Variants in RFC3 observed in about 807,000 individuals in gnomAD.
The protein encoded by RFC3 is A1 38 kDa subunit.
Under a neutral mutation model 45.1 loss-of-function variants are expected in RFC3, and 41 were observed. The observed-to-expected ratio is 0.91, with a 90% CI of 0.71 to 1.18. The LOEUF (loss-of-function observed/expected upper bound fraction) is 1.18, where lower values mean the gene tolerates loss of function less well. Ranked by LOEUF, RFC3 falls within the 50% of genes most tolerant of loss-of-function variation. The pLI, the probability that RFC3 is intolerant of heterozygous loss-of-function variation, is 0.00. For missense variants in RFC3, 423 were observed against 428.1 expected, an observed-to-expected ratio of 0.99 and a Z score of 0.10; for synonymous variants, 149 against 144.0, an observed-to-expected ratio of 1.03 and a Z score of -0.25.
At chr13:33,944,154 G>A (rs2082941058) in intron 8 of RFC3, among the ~76,000 whole-genome samples, 1 of 152,116 alleles carries the variant, frequency 6.6e-6, no homozygotes, top group Admixed American at 6.5e-5. Flanking sequence ...TGTATTTTGT[G>A]TATTTGTGTC....
downstream of RFC3, among the ~76,000 whole-genome samples, chr13:33,966,854 T>G (rs1392337695): frequency 2.0e-5 from 3 of 152,070 alleles, no homozygotes; most frequent in East Asian, 5.8e-4. Context: ...CCAGGAAAAT[T>G]TCATAGAAAA....
downstream of RFC3, among the ~76,000 whole-genome samples, chr13:33,840,243 G>T (rs1011161733): frequency 1.3e-5 from 2 of 152,128 alleles, no homozygotes; most frequent in African/African-American, 4.8e-5. Flanking sequence ...TGGTAGTGTT[G>T]CATAAGTCAC....
chr13:33,935,399 C>T (rs927608382), intron 8 of RFC3, among the ~76,000 whole-genome samples: 1 of 152,144 alleles, frequency 6.6e-6, no homozygotes, highest in African/African-American at 2.4e-5. Context: ...ATATCCCAAG[C>T]TGCTTGCTAG....
chr13:33,950,258 G>T (rs1019414600), intron 8 of RFC3, among the ~76,000 whole-genome samples: 4 of 152,046 alleles, frequency 2.6e-5, no homozygotes, highest in African/African-American at 4.8e-5. Context: ...AATAAAAGTG[G>T]TTTTTAAAAT....
intron 8 of RFC3, among the ~76,000 whole-genome samples, chr13:33,937,239 C>T (rs369147370): frequency 2.6e-5 from 4 of 152,062 alleles, no homozygotes; most frequent in South Asian, 2.1e-4. Flanking sequence ...TTACAATTGC[C>T]GATAACATTC....
intron 8 of RFC3, among the ~76,000 whole-genome samples, chr13:33,944,272 A>G (rs1050528371): frequency 6.6e-5 from 10 of 152,206 alleles, no homozygotes; most frequent in Admixed American, 2.6e-4. Context: ...ATTTATTTCA[A>G]TCCAAAACAC....
intron 4 of RFC3, among the ~76,000 whole-genome samples, chr13:33,828,953 A>G (rs1022034126): frequency 2.6e-5 from 4 of 152,084 alleles, no homozygotes; most frequent in Admixed American, 2.0e-4. Flanking sequence ...TGCTGATACT[A>G]TGTGGGCCTT....
At chr13:33,862,678 T>C (rs999919377) in intron 8 of RFC3, among the ~76,000 whole-genome samples, 1 of 152,242 alleles carries the variant, frequency 6.6e-6, no homozygotes, top group Non-Finnish European at 1.5e-5. Flanking sequence ...TATATTTTGA[T>C]ATATTCATAT....
At chr13:33,906,721 C>G (rs1465205494) in intron 8 of RFC3, among the ~76,000 whole-genome samples, 1 of 152,046 alleles carries the variant, frequency 6.6e-6, no homozygotes, top group African/African-American at 2.4e-5. Flanking sequence ...AATTACTTCA[C>G]AAAAAATTAA....
intron 8 of RFC3, among the ~76,000 whole-genome samples, chr13:33,905,398 G>C (rs760460959): frequency 6.6e-6 from 1 of 151,428 alleles, no homozygotes; most frequent in African/African-American, 2.4e-5. Flanking sequence ...AAACATCATC[G>C]CTGATTTCTT....
rs530928240 is a variant in RFC3 at position 33,896,609 on chromosome 13, G to A, written c.879+61392G>A. 1.3e-4 allele frequency among the ~76,000 whole-genome samples: 20 copies of A among 150,296 alleles called. No individual in the cohort carries two copies. The South Asian group carries it at 4.2e-3, about 32-fold the overall frequency. On this transcript the variant is annotated intron_variant, in intron 8 of 8. Coordinates refer to the RFC3 transcript ENST00000434425. ...AGTGGTGGTCCCCAGTTACTTGGGA[G>A]GCTGAGGCATGAAAATCACCTGAAC...
intron 7 of RFC3, among the ~76,000 whole-genome samples, 200 bp downstream of exon 7, chr13:33,831,554 AAGCTGTAATATCATGGCTTAC>A (rs2082104317): frequency 6.6e-6 from 1 of 152,232 alleles, no homozygotes; most frequent in Non-Finnish European, 1.5e-5. Flanking sequence ...GGCTTTTATT[AAGCTGTAATATCATGGCTTAC>A]ATGTGATCAT....
chr13:33,852,527 G>A (rs1220267655), intron 8 of RFC3, among the ~76,000 whole-genome samples: 4 of 152,052 alleles, frequency 2.6e-5, no homozygotes, highest in East Asian at 3.8e-4. Context: ...CATTTATTGG[G>A]GAGTAACCCT....
In RFC3 at chr13:33,913,262, A is replaced by G. The variant is rs557758183; in HGVS notation, c.880-52825A>G. 2.9e-3 allele frequency among the ~76,000 whole-genome samples: 434 copies of G among 152,202 alleles called. 3 individuals carry two copies. Among genetic ancestry groups the G allele is most frequent in the African/African-American group, 0.01 (418 of 41,548 alleles). ...TTTCTCAGCACTCAAAGCAGTCCCA[A>G]CAGGCTCTAATTGAGCTCAGAGTGC... On this transcript the variant is annotated intron_variant, in intron 8 of 8. Coordinates refer to the RFC3 transcript ENST00000434425.
At position 33,943,078 on chromosome 13, in the gene RFC3, A is replaced by G. The variant is rs1164404688; in HGVS notation, c.880-23009A>G. On this transcript the variant is annotated intron_variant, in intron 8 of 8. Coordinates refer to the RFC3 transcript ENST00000434425. ...TCCATAATTTTAGTCAAGGCCTTTAACAAAAAATAGCATGTGAACTAGTAT... is the reference window on the plus strand; with the variant it reads ...TCCATAATTTTAGTCAAGGCCTTTAGCAAAAAATAGCATGTGAACTAGTAT... Among the ~76,000 whole-genome samples the G allele has an allele frequency of 2.0e-5, 3 of 152,304 alleles. No individual in the cohort carries two copies. The East Asian group carries it at 5.8e-4, about 29-fold the overall frequency.
intron 8 of RFC3, chr13:33,850,251 T>C (rs2082267871): frequency 6.6e-6 from 1 of 152,104 alleles, no homozygotes; most frequent in Non-Finnish European, 1.5e-5. Context: ...ATGAGAAAAA[T>C]AAACTTTCTA....
At chr13:33,834,289 G>C (rs1392731098) in intron 7 of RFC3, among the ~76,000 whole-genome samples, 2 of 76,130 alleles carry the variant, frequency 2.6e-5, no homozygotes, top group Admixed American at 4.0e-4. Flanking sequence ...TGGAACATCT[G>C]TACTGTGTGT....
At chr13:33,877,779 A>G (rs1246348665) in intron 8 of RFC3, among the ~76,000 whole-genome samples, 1 of 148,442 alleles carries the variant, frequency 6.7e-6, no homozygotes, top group African/African-American at 2.4e-5. Context: ...AGAAAATGAA[A>G]AGGTTTTATT....
intron 8 of RFC3, among the ~76,000 whole-genome samples, chr13:33,865,384 G>A (rs2082366760): frequency 6.6e-6 from 1 of 152,174 alleles, no homozygotes; most frequent in African/African-American, 2.4e-5. Flanking sequence ...TCTAGGTCTG[G>A]AATGGGAATG....
Sources: allele counts gnomAD v4.1 joint callset (sites outside exome capture counted in the v4.1 genomes callset), GRCh38; gene constraint gnomAD v4.1.1; transcripts MANE v1.5; gene names NCBI Gene and HGNC (gene_info 2026-07-23, HGNC 2026-07-21).